SKAP1: variants seen among roughly 807,000 people sequenced by gnomAD.
SKAP1 encodes src kinase-associated phosphoprotein 1.
In SKAP1, 44 loss-of-function variants were observed where a neutral mutation model predicts 58.5. That is an observed-to-expected ratio of 0.75 (90% confidence interval 0.59 to 0.97). The LOEUF (loss-of-function observed/expected upper bound fraction) is 0.97. Ranked by LOEUF, SKAP1 falls within the 50% of genes least tolerant of loss-of-function variation. The probability of loss-of-function intolerance (pLI) is 0.00; values close to 1 mark genes in which losing one functional copy is unlikely to be tolerated. For missense variants in SKAP1, 390 were observed against 435.2 expected (o/e 0.90, Z 0.92); for synonymous variants, 127 against 149.7 (o/e 0.85, Z 1.11).
At chr17:48,227,876 G>C (rs1178892112) in intron 4 of SKAP1, among the ~76,000 whole-genome samples, 2 of 152,152 alleles carry the variant, frequency 1.3e-5, no homozygotes, top group Non-Finnish European at 1.5e-5. Context: ...TTGTTACGAG[G>C]ATAAAATGAA....
rs370485149 is a variant in SKAP1, at chr17:48,149,624, G to A, written c.979-12287C>T. On this transcript the variant is annotated intron_variant, in intron 11 of 12. Coordinates refer to ENST00000336915, the MANE Select transcript of SKAP1 (RefSeq NM_003726.4). ...GGGGGTGTCACAGCCAGATCCACCTGCTTTTCACCCTACCCTCGGTGGGGT... is the reference window on the plus strand; with the variant it reads ...GGGGGTGTCACAGCCAGATCCACCTACTTTTCACCCTACCCTCGGTGGGGT... Among the ~76,000 whole-genome samples, 31 of 152,150 alleles carry A rather than the reference G, an allele frequency of 2.0e-4. No homozygotes were observed. The South Asian group carries it at 2.7e-3, about 13-fold the overall frequency.
In SKAP1 at chr17:48,172,282, G is replaced by A. The variant is rs771347644; in HGVS notation, c.827-1623C>T. ...TGGAATGGTCTTTTAATTAATTGCC[G>A]TAGATTCACAATGGGTTCTAACTCA... is the stretch of plus-strand genomic sequence containing the variant. On this transcript the variant is annotated intron_variant, in intron 9 of 12. Coordinates refer to ENST00000336915, the MANE Select transcript of SKAP1 (RefSeq NM_003726.4). Among the ~76,000 whole-genome samples, 15 of 152,204 alleles carry A rather than the reference G, an allele frequency of 9.9e-5. 1 individual carries two copies. The highest frequency in any genetic ancestry group is 7.7e-4 in the East Asian group (4 of 5,186).
At chr17:48,274,106 A>G (rs1342092041) in intron 4 of SKAP1, among the ~76,000 whole-genome samples, 2 of 152,096 alleles carry the variant, frequency 1.3e-5, no homozygotes, top group Non-Finnish European at 2.9e-5. Context: ...AAAAATTTTT[A>G]GGCCAAGCGA....
At chr17:48,390,950 C>T (rs1461375511) in intron 2 of SKAP1, among the ~76,000 whole-genome samples, 2 of 152,042 alleles carry the variant, frequency 1.3e-5, no homozygotes, top group Non-Finnish European at 2.9e-5. Context: ...TGGTGCACGC[C>T]TGTAGTCCCA....
rs566094658 is a variant in SKAP1, at chr17:48,155,739, C to G, written c.978+6730G>C. 4.6e-3 allele frequency among the ~76,000 whole-genome samples: 696 copies of G among 152,242 alleles called. 3 individuals carry two copies. Among genetic ancestry groups the G allele is most frequent in the Non-Finnish European group, 6.5e-3 (443 of 68,022 alleles). ...GGGTGCCGTGGCACTTGCCTGTAGTCCCAGTTACTCAGGAGGCTGAGGCAG... is the reference window on the plus strand; with the variant it reads ...GGGTGCCGTGGCACTTGCCTGTAGTGCCAGTTACTCAGGAGGCTGAGGCAG... On this transcript the variant is annotated intron_variant, in intron 11 of 12. Transcript: ENST00000336915.
At chr17:48,378,847 G>A (rs1214910328) in intron 2 of SKAP1, among the ~76,000 whole-genome samples, 4 of 152,174 alleles carry the variant, frequency 2.6e-5, no homozygotes, top group African/African-American at 7.2e-5. Context: ...GAGGTAAGAA[G>A]CAGGAAGGGC....
intron 9 of SKAP1, 68 bp downstream of exon 9, chr17:48,179,986 A>G (rs2064345866): frequency 7.1e-7 from 1 of 1,407,610 alleles, no homozygotes; most frequent in Non-Finnish European, 9.6e-7. Flanking sequence ...TTTCAAAGTT[A>G]TTATTCTTCC....
chr17:48,314,424 A>G (rs1161724135), intron 4 of SKAP1, among the ~76,000 whole-genome samples: 2 of 152,196 alleles, frequency 1.3e-5, no homozygotes, highest in Non-Finnish European at 2.9e-5. Flanking sequence ...GGAAGAAAAA[A>G]GTAATCTTTC....
chr17:48,371,618 ACCAGC>A (rs1383917647), intron 2 of SKAP1, among the ~76,000 whole-genome samples: 1 of 124,572 alleles, frequency 8.0e-6, no homozygotes, highest in Non-Finnish European at 1.6e-5. Flanking sequence ...GGAGTTCGGG[ACCAGC>A]CATGGGTAAC....
intron 11 of SKAP1, among the ~76,000 whole-genome samples, chr17:48,147,234 A>G (rs2063843241): frequency 6.6e-6 from 1 of 152,222 alleles, no homozygotes; most frequent in Non-Finnish European, 1.5e-5. Context: ...AATGCTTGAT[A>G]TATGTATGGA....
rs763714525 is a variant in SKAP1 at position 48,430,103 on chromosome 17, G to C, written c.18C>G (p.Leu6=). The C allele has an allele frequency of 5.6e-5, 71 of 1,263,670 alleles. No homozygotes were observed. The highest frequency in any genetic ancestry group is 6.9e-5 in the Non-Finnish European group (69 of 996,784). 78.3% of individuals were successfully genotyped at this position (1,263,670 alleles called of 1,614,324 possible). A position where few individuals can be genotyped will look rare whatever the true frequency, so the allele number is the denominator to read the frequency against. The part of the protein sequence containing the change: MQAAA[L]PEEIRWLLED... ...CCAGGAGCCAACGGATCTCCTCAGGGAGGGCGGCGGCCTGCATTTGGCTGG... is the reference window on the plus strand; with the variant it reads ...CCAGGAGCCAACGGATCTCCTCAGGCAGGGCGGCGGCCTGCATTTGGCTGG... Residue 6 remains leucine, a synonymous_variant, in exon 1 of 13, where the codon CTC becomes CTG. Transcript: ENST00000336915.
chr17:48,410,652 C>T (rs750163594), intron 1 of SKAP1, among the ~76,000 whole-genome samples: 4 of 151,812 alleles, frequency 2.6e-5, no homozygotes, highest in East Asian at 1.9e-4. Context: ...GGAGGTCGGG[C>T]GTAGTGGCTC....
At chr17:48,268,492 A>AT (rs1457595482) in intron 4 of SKAP1, among the ~76,000 whole-genome samples, 1 of 80,846 alleles carries the variant, frequency 1.2e-5, no homozygotes, top group African/African-American at 4.8e-5. Flanking sequence ...GATTCAAGTT[A>AT]ATTTTTTTTT....
chr17:48,302,565 C>T (rs1293065857), intron 4 of SKAP1, among the ~76,000 whole-genome samples: 1 of 152,166 alleles, frequency 6.6e-6, no homozygotes, highest in Admixed American at 6.5e-5. Context: ...GAAGTTACTC[C>T]GCCAATTCTC....
At chr17:48,158,295 C>T (rs1342438902) in intron 11 of SKAP1, among the ~76,000 whole-genome samples, 4 of 151,700 alleles carry the variant, frequency 2.6e-5, no homozygotes, top group Admixed American at 2.6e-4. Flanking sequence ...GCCTGTAATC[C>T]TAACACTTTG....
intron 11 of SKAP1, among the ~76,000 whole-genome samples, chr17:48,143,279 C>T (rs570819180): frequency 3.4e-5 from 5 of 149,218 alleles, no homozygotes; most frequent in Non-Finnish European, 7.4e-5. Context: ...ACTGCAACCT[C>T]TGCCTCCTGG....
At chr17:48,372,207 A>C (rs1449302815) in intron 2 of SKAP1, among the ~76,000 whole-genome samples, 3 of 152,158 alleles carry the variant, frequency 2.0e-5, no homozygotes, top group African/African-American at 7.2e-5. Context: ...CCTTGCCTCA[A>C]GTGATTTACC....
chr17:48,162,333 A>G, intron 11 of SKAP1, 136 bp downstream of exon 11: 1 of 546,986 alleles, frequency 1.8e-6, no homozygotes, highest in Non-Finnish European at 3.1e-6. Context: ...TTTTCCTAAC[A>G]ATTATGAATA....
chr17:48,353,125 T>C (rs903743551), intron 3 of SKAP1, among the ~76,000 whole-genome samples: 1 of 152,208 alleles, frequency 6.6e-6, no homozygotes, highest in Non-Finnish European at 1.5e-5. Context: ...CAATTCATAG[T>C]TGAAATTTAT....
Sources: gnomAD v4.1 joint callset for allele counts (sites outside exome capture counted in the v4.1 genomes callset) on GRCh38, gnomAD v4.1.1 for gene constraint, MANE v1.5 for transcripts, NCBI Gene and HGNC (gene_info 2026-07-23, HGNC 2026-07-21) for gene names.